Variants in SERPINI1 observed in about 807,000 individuals in gnomAD.
SERPINI1 encodes neuroserpin.
Under a neutral mutation model 41.1 loss-of-function variants are expected in SERPINI1, and 19 were observed. The observed-to-expected ratio is 0.46, with a 90% CI of 0.32 to 0.68. The LOEUF (loss-of-function observed/expected upper bound fraction) is 0.68. Among genes scored for constraint, SERPINI1 ranks in the 30% least tolerant of loss-of-function variants. The pLI is 0.03. For synonymous variants in SERPINI1, 138 were observed against 156.6 expected (o/e 0.88, Z 0.89); for missense variants, 460 against 479.2 (o/e 0.96, Z 0.37).
chr3:167,760,162 G>A (rs1726333586), intron 1 of SERPINI1, among the ~76,000 whole-genome samples: 1 of 151,966 alleles, frequency 6.6e-6, no homozygotes, highest in Admixed American at 6.6e-5. Context: ...AAGATTAAAA[G>A]TTGGCCAGGT....
chr3:167,797,674 A>G (rs1727758033), intron 5 of SERPINI1, among the ~76,000 whole-genome samples: 1 of 151,950 alleles, frequency 6.6e-6, no homozygotes. Flanking sequence ...GACAATACAT[A>G]TATGTAGAAA....
At position 167,807,538 on chromosome 3, in the gene SERPINI1, A is replaced by G. The variant is rs1553221; in HGVS notation, c.979+197A>G. Among the ~76,000 whole-genome samples the G allele has an allele frequency of 0.68, 103,295 of 152,056 alleles. 37,527 individuals carry two copies. Among genetic ancestry groups the G allele is most frequent in the African/African-American group, 0.91 (37,832 of 41,512 alleles). ...TCTTAACATTAAGTTTATATTATCT[A>G]GTTCGTATCATATCTTTGACAATAG... On this transcript the variant is annotated intron_variant, in intron 6 of 8. Transcript: ENST00000446050.
intron 5 of SERPINI1, among the ~76,000 whole-genome samples, chr3:167,803,934 CT>C (rs1711532726): frequency 6.6e-6 from 1 of 152,140 alleles, no homozygotes; most frequent in South Asian, 2.1e-4. Flanking sequence ...AAATTAATAT[CT>C]GTTTTATGCT....
intron 1 of SERPINI1, among the ~76,000 whole-genome samples, chr3:167,788,358 T>C (rs1727380133): frequency 6.6e-6 from 1 of 152,118 alleles, no homozygotes; most frequent in Admixed American, 6.5e-5. Context: ...AAATATTAAT[T>C]TAAATAGAAA....
chr3:167,749,645 T>C (rs1010062970), intron 1 of SERPINI1, among the ~76,000 whole-genome samples: 10 of 152,228 alleles, frequency 6.6e-5, no homozygotes, highest in African/African-American at 2.2e-4. Context: ...GAATTTCCAC[T>C]GTAACACACC....
chr3:167,750,069 T>TAGTTTCATATATTTA (rs750701748), intron 1 of SERPINI1, among the ~76,000 whole-genome samples: 2 of 152,224 alleles, frequency 1.3e-5, no homozygotes, highest in Non-Finnish European at 2.9e-5. Flanking sequence ...TTATATATTT[T>TAGTTTCATATATTTA]GTTAAAGTTT....
intron 1 of SERPINI1, among the ~76,000 whole-genome samples, chr3:167,751,976 A>G (rs1726061162): frequency 6.6e-6 from 1 of 152,216 alleles, no homozygotes. Flanking sequence ...AACCTAATAC[A>G]ATAGTTATGC....
intron 6 of SERPINI1, among the ~76,000 whole-genome samples, chr3:167,816,697 A>G (rs912284378): frequency 2.0e-5 from 3 of 152,182 alleles, no homozygotes; most frequent in Non-Finnish European, 4.4e-5. Context: ...AAAGGCTTCA[A>G]TAGAATTAGT....
At chr3:167,769,033 C>T (rs1726656543) in intron 1 of SERPINI1, among the ~76,000 whole-genome samples, 1 of 151,918 alleles carries the variant, frequency 6.6e-6, no homozygotes, top group Non-Finnish European at 1.5e-5. Flanking sequence ...GTGGCTCTGT[C>T]ACCAGGCTGG....
chr3:167,741,277 T>G (rs1329121291), intron 1 of SERPINI1, among the ~76,000 whole-genome samples: 1 of 152,358 alleles, frequency 6.6e-6, no homozygotes, highest in African/African-American at 2.4e-5. Flanking sequence ...AACCTTATTT[T>G]GTTAAACTGT....
chr3:167,778,445 T>G (rs1440125800), intron 1 of SERPINI1, among the ~76,000 whole-genome samples: 1 of 152,120 alleles, frequency 6.6e-6, no homozygotes, highest in Non-Finnish European at 1.5e-5. Context: ...GTTTCTCTGA[T>G]TGGTTGGGGA....
At chr3:167,794,971 C>A in intron 5 of SERPINI1, 147 bp downstream of exon 5, 1 of 673,008 alleles carries the variant, frequency 1.5e-6, no homozygotes, top group South Asian at 1.8e-5. Context: ...TCTCTTTCTC[C>A]TTCTCCTTCT....
In SERPINI1 at chr3:167,824,557, G is replaced by T; in HGVS notation, c.1151G>T (p.Arg384Ile). The part of the protein sequence containing the change: ...HPFFFLIRNR[R>I]TGTILFMGRV... ...TTTTTCTTTCTTATCAGAAACAGGAGAACTGGTAAGTTTATTATGAAAACA... is the reference window on the plus strand; with the variant it reads ...TTTTTCTTTCTTATCAGAAACAGGATAACTGGTAAGTTTATTATGAAAACA... Residue 384 changes from arginine to isoleucine, a missense_variant, in exon 8 of 9, where the codon AGA becomes ATA. Physicochemically the swap from Arg to Ile is moderately conservative, Grantham distance 97. Transcript: ENST00000446050. 6.2e-7 allele frequency: 1 copy of T among 1,608,058 alleles called. No individual in the cohort carries two copies. The highest frequency in any genetic ancestry group is 1.1e-5 in the South Asian group (1 of 90,928).
chr3:167,813,201 T>C (rs147813971), intron 6 of SERPINI1, among the ~76,000 whole-genome samples: 357 of 152,338 alleles, frequency 2.3e-3, no homozygotes, highest in Non-Finnish European at 4.2e-3. Flanking sequence ...ATTGCCATAA[T>C]TCCAATTCTT....
intron 1 of SERPINI1, among the ~76,000 whole-genome samples, chr3:167,757,876 G>T (rs1327836092): frequency 6.6e-6 from 1 of 152,096 alleles, no homozygotes; most frequent in Non-Finnish European, 1.5e-5. Flanking sequence ...CCGAGATCAC[G>T]CCACTACACT....
chr3:167,809,436 G>A (rs1279151125), intron 6 of SERPINI1, among the ~76,000 whole-genome samples: 1 of 152,172 alleles, frequency 6.6e-6, no homozygotes, highest in African/African-American at 2.4e-5. Flanking sequence ...TCTCAGTCCT[G>A]ACGGAGTAGC....
chr3:167,781,971 G>A (rs1727145740), intron 1 of SERPINI1, among the ~76,000 whole-genome samples: 1 of 151,934 alleles, frequency 6.6e-6, no homozygotes, highest in African/African-American at 2.4e-5. Context: ...ACACTTATAT[G>A]CAACTTACTC....
chr3:167,784,056 A>C (rs746019450), intron 1 of SERPINI1, among the ~76,000 whole-genome samples: 1 of 152,142 alleles, frequency 6.6e-6, no homozygotes, highest in Non-Finnish European at 1.5e-5. Context: ...AGAAGCCCAA[A>C]GATACATCTG....
intron 1 of SERPINI1, among the ~76,000 whole-genome samples, chr3:167,774,251 T>C (rs561835319): frequency 6.6e-6 from 1 of 152,310 alleles, no homozygotes; most frequent in Admixed American, 6.5e-5. Context: ...TTGACCACTT[T>C]GACTTATAAA....
Sources: gnomAD v4.1 joint callset for allele counts (sites outside exome capture counted in the v4.1 genomes callset) on GRCh38, gnomAD v4.1.1 for gene constraint, MANE v1.5 for transcripts, NCBI Gene and HGNC (gene_info 2026-07-23, HGNC 2026-07-21) for gene names.